Variants in NPAS3 observed in about 807,000 individuals in gnomAD.
The protein encoded by NPAS3 is neuronal PAS domain-containing protein 3.
Under a neutral mutation model 73.1 loss-of-function variants are expected in NPAS3, and 14 were observed. The observed-to-expected ratio is 0.19, with a 90% CI of 0.13 to 0.30. The LOEUF (loss-of-function observed/expected upper bound fraction) is 0.30, where lower values mean the gene tolerates loss of function less well. Among genes scored for constraint, NPAS3 ranks in the 10% least tolerant of loss-of-function variants. The pLI, the probability that NPAS3 is intolerant of heterozygous loss-of-function variation, is 1.00. For missense variants in NPAS3, 1,096 were observed against 1,250.0 expected, an observed-to-expected ratio of 0.88 and a Z score of 1.86; for synonymous variants, 620 against 541.5, an observed-to-expected ratio of 1.14 and a Z score of -2.01.
At chr14:32,966,328 T>C (rs1956000) in intron 1 of NPAS3, among the ~76,000 whole-genome samples, 108,563 of 152,078 alleles carry the variant, frequency 0.71, 39,304 homozygotes, top group East Asian at 0.9. Context: ...AACCAAACAC[T>C]GTGGTAACTG....
In NPAS3 at chr14:33,486,999, T is replaced by C. The variant is rs2139774905; in HGVS notation, c.469-73122T>C. ...GAGGTGTTTATTCCAGTGGTTAAATTTGACGAGGTGAAGAAAAGTCAAACT... is the reference window on the plus strand; with the variant it reads ...GAGGTGTTTATTCCAGTGGTTAAATCTGACGAGGTGAAGAAAAGTCAAACT... On this transcript the variant is annotated intron_variant, in intron 4 of 11. Coordinates refer to ENST00000356141, the Ensembl canonical transcript of NPAS3. 1.3e-5 allele frequency among the ~76,000 whole-genome samples: 2 copies of C among 152,258 alleles called. 1 individual carries two copies. Among genetic ancestry groups the C allele is most frequent in the Middle Eastern group, 6.8e-3 (2 of 294 alleles).
intron 4 of NPAS3, among the ~76,000 whole-genome samples, chr14:33,417,923 G>T (rs2048214404): frequency 6.6e-6 from 1 of 151,956 alleles, no homozygotes; most frequent in South Asian, 2.1e-4. Flanking sequence ...GTTTTCCACA[G>T]AATAGTTTTC....
At chr14:33,104,389 C>T (rs1238615032) in intron 2 of NPAS3, among the ~76,000 whole-genome samples, 2 of 152,160 alleles carry the variant, frequency 1.3e-5, no homozygotes, top group Non-Finnish European at 2.9e-5. Flanking sequence ...TAAGTTACTA[C>T]ATTTGTGATT....
intron 4 of NPAS3, among the ~76,000 whole-genome samples, chr14:33,501,511 G>A (rs1241802655): frequency 6.6e-6 from 1 of 151,750 alleles, no homozygotes; most frequent in African/African-American, 2.4e-5. Flanking sequence ...ACACAACAAA[G>A]TAACATGTTG....
intron 4 of NPAS3, among the ~76,000 whole-genome samples, chr14:33,438,676 G>A (rs2049099065): frequency 6.6e-6 from 1 of 152,142 alleles, no homozygotes; most frequent in East Asian, 1.9e-4. Context: ...TAGAATCCAT[G>A]CTCAGAATCA....
intron 4 of NPAS3, among the ~76,000 whole-genome samples, chr14:33,502,090 A>G (rs375836751): frequency 1.1e-4 from 17 of 152,046 alleles, no homozygotes; most frequent in African/African-American, 4.1e-4. Flanking sequence ...CCAAATCTAT[A>G]GCAGCATTAA....
At chr14:33,376,662 T>TA (rs1431948642) in intron 4 of NPAS3, among the ~76,000 whole-genome samples, 2 of 152,078 alleles carry the variant, frequency 1.3e-5, no homozygotes, top group African/African-American at 4.8e-5. Flanking sequence ...CATGGGAGAG[T>TA]ATATGACAGA....
intron 3 of NPAS3, among the ~76,000 whole-genome samples, chr14:33,276,260 G>A (rs1201921507): frequency 6.6e-6 from 1 of 152,112 alleles, no homozygotes; most frequent in Non-Finnish European, 1.5e-5. Context: ...GAGAACACGG[G>A]AGTAGTGAGG....
intron 4 of NPAS3, among the ~76,000 whole-genome samples, chr14:33,475,084 T>C (rs2050958354): frequency 1.3e-5 from 2 of 152,170 alleles, no homozygotes; most frequent in South Asian, 4.1e-4. Flanking sequence ...CAACCTTTAA[T>C]GAATTTTTTT....
chr14:33,052,527 C>T (rs986385516), intron 1 of NPAS3, among the ~76,000 whole-genome samples: 7 of 152,150 alleles, frequency 4.6e-5, no homozygotes, highest in South Asian at 4.2e-4. Flanking sequence ...GAATGGCCAG[C>T]GCTTATGCTT....
chr14:33,440,405 GGT>G (rs2049192817), intron 4 of NPAS3, among the ~76,000 whole-genome samples: 2 of 152,096 alleles, frequency 1.3e-5, no homozygotes, highest in South Asian at 4.2e-4. Flanking sequence ...CCCGACCAAG[GGT>G]GCTGACTACT....
At chr14:33,436,041 C>T (rs746868796) in intron 4 of NPAS3, among the ~76,000 whole-genome samples, 2 of 152,190 alleles carry the variant, frequency 1.3e-5, no homozygotes, top group Non-Finnish European at 2.9e-5. Flanking sequence ...AAAGAGGAGT[C>T]AGGCACATTT....
chr14:32,979,689 T>C (rs1325613249), intron 1 of NPAS3, among the ~76,000 whole-genome samples: 1 of 152,206 alleles, frequency 6.6e-6, no homozygotes, highest in African/African-American at 2.4e-5. Flanking sequence ...AAATGCATCA[T>C]ATTACAATGA....
At chr14:33,683,731 C>T (rs1039398265) in intron 6 of NPAS3, among the ~76,000 whole-genome samples, 2 of 152,180 alleles carry the variant, frequency 1.3e-5, no homozygotes, top group Admixed American at 6.5e-5. Context: ...GCAATTTACT[C>T]ATGATTGCTT....
intron 6 of NPAS3, among the ~76,000 whole-genome samples, chr14:33,683,294 G>GT (rs1226975915): frequency 2.0e-5 from 3 of 151,812 alleles, no homozygotes; most frequent in Non-Finnish European, 4.4e-5. Flanking sequence ...ATTTTTAACA[G>GT]TTTTTTCATA....
chr14:33,784,745 A>ATTTATTTATTTTTTTTT (rs1471526546), intron 9 of NPAS3, among the ~76,000 whole-genome samples: 5 of 73,836 alleles, frequency 6.8e-5, no homozygotes, highest in African/African-American at 3.1e-4. Context: ...TTATTTATTT[A>ATTTATTTATTTTTTTTT]TTTTTTTTTT....
At position 33,228,344 on chromosome 14, in the gene NPAS3, T is replaced by A. The variant is rs924832465; in HGVS notation, c.385+12918T>A. ...TTTTGGCAGCTTGATGTTTAATACT[T>A]AACGAGACATGTAGAAGTTGATTTT... On this transcript the variant is annotated intron_variant, in intron 3 of 11. Transcript: ENST00000356141. Among the ~76,000 whole-genome samples the A allele has an allele frequency of 3.3e-5, 5 of 152,262 alleles. No homozygotes were observed. In the East Asian group the frequency reaches 7.7e-4, roughly 23 times the overall value.
At chr14:33,400,771 G>C (rs1465295298) in intron 4 of NPAS3, among the ~76,000 whole-genome samples, 1 of 151,946 alleles carries the variant, frequency 6.6e-6, no homozygotes, top group African/African-American at 2.4e-5. Flanking sequence ...TAGTAGGGGG[G>C]CGTGGTGGCA....
chr14:33,032,170 T>C (rs967199020), intron 1 of NPAS3, among the ~76,000 whole-genome samples: 4 of 152,178 alleles, frequency 2.6e-5, no homozygotes, highest in East Asian at 3.9e-4. Context: ...AAGATAAATG[T>C]AGGAGGATTG....
Sources: gnomAD v4.1 joint callset for allele counts (sites outside exome capture counted in the v4.1 genomes callset) on GRCh38, gnomAD v4.1.1 for gene constraint, MANE v1.5 for transcripts, NCBI Gene and HGNC (gene_info 2026-07-23, HGNC 2026-07-21) for gene names.